The following PARPBP variants were observed in gnomAD, a reference collection of about 807,000 sequenced individuals.
The protein encoded by PARPBP is PCNA-interacting partner.
PARPBP carries 52 observed loss-of-function variants against 50.0 expected under a neutral mutation model. That is an observed-to-expected ratio of 1.04 (90% CI 0.83 to 1.31). The LOEUF is 1.31. Ranked by LOEUF, PARPBP falls within the 50% of genes most tolerant of loss-of-function variation. The pLI is 0.00. For synonymous variants in PARPBP, 244 were observed against 232.1 expected (o/e 1.05, Z -0.47); for missense variants, 697 against 672.0 (o/e 1.04, Z -0.41).
intron 9 of PARPBP, among the ~76,000 whole-genome samples, chr12:102,183,456 A>G (rs558833912): frequency 6.6e-6 from 1 of 152,234 alleles, no homozygotes; most frequent in South Asian, 2.1e-4. Context: ...TACATACCCT[A>G]TACCCATTTA....
intron 1 of PARPBP, among the ~76,000 whole-genome samples, chr12:102,122,465 A>T (rs1881297886): frequency 6.6e-6 from 1 of 152,242 alleles, no homozygotes; most frequent in Non-Finnish European, 1.5e-5. Context: ...GAAGAAAAGG[A>T]TAGCAGAAGG....
chr12:102,194,100 C>G (rs551853901), intron 9 of PARPBP, among the ~76,000 whole-genome samples: 2 of 151,818 alleles, frequency 1.3e-5, no homozygotes, highest in African/African-American at 2.4e-5. Context: ...GCTGGACAGA[C>G]GAATATTCTA....
chr12:102,150,159 G>A (rs1258512886), intron 3 of PARPBP: 1 of 441,714 alleles, frequency 2.3e-6, no homozygotes, highest in Middle Eastern at 3.4e-4. Context: ...GTCATCAGGA[G>A]TAAAATTGAA....
chr12:102,175,895 T>C (rs1439158890), intron 7 of PARPBP, among the ~76,000 whole-genome samples: 1 of 152,188 alleles, frequency 6.6e-6, no homozygotes, highest in Non-Finnish European at 1.5e-5. Context: ...AAGTAAGGCA[T>C]AGGGTAATCT....
chr12:102,162,489 T>C (rs2139494475), intron 4 of PARPBP, among the ~76,000 whole-genome samples: 2 of 152,290 alleles, frequency 1.3e-5, no homozygotes, highest in South Asian at 4.1e-4. Context: ...ATCGAAGTAG[T>C]TGAGAAGGCA....
chr12:102,155,794 T>C (rs1307487030), intron 4 of PARPBP, among the ~76,000 whole-genome samples: 2 of 152,194 alleles, frequency 1.3e-5, no homozygotes, highest in Non-Finnish European at 2.9e-5. Context: ...TGTCTGTGGC[T>C]GTTGCAGACC....
intron 3 of PARPBP, among the ~76,000 whole-genome samples, chr12:102,149,604 A>C (rs138795390): frequency 6.6e-6 from 1 of 152,230 alleles, no homozygotes; most frequent in Admixed American, 6.5e-5. Flanking sequence ...CATGGCCACA[A>C]CAAGCTGCAA....
chr12:102,164,356 A>G, intron 4 of PARPBP, 82 bp from the exon 5 acceptor site: 3 of 1,002,144 alleles, frequency 3.0e-6, no homozygotes, highest in Non-Finnish European at 1.5e-6. Context: ...GAATGATTAC[A>G]TACATTTTTA....
In PARPBP at chr12:102,140,358, T is replaced by C. The variant is rs970085469; in HGVS notation, c.154-7872T>C. 3.3e-5 allele frequency among the ~76,000 whole-genome samples: 5 copies of C among 152,220 alleles called. No individual in the cohort carries two copies. The South Asian group carries it at 1.0e-3, about 32-fold the overall frequency. ...CCTTTATCGTTTTTTATTGTGGCTA[T>C]TTGATTCTTCTCTCTTTTCTTCTTT... On this transcript the variant is annotated intron_variant, in intron 2 of 10. Transcript: ENST00000327680.
chr12:102,186,981 C>T lies in PARPBP; in HGVS notation c.1263+4354C>T, dbSNP rs1292732917. On this transcript the variant is annotated intron_variant, in intron 9 of 10. Coordinates refer to ENST00000327680, the MANE Select transcript of PARPBP (RefSeq NM_017915.5). ...ATTAACAAATTCTTTTATTTAACCC[C>T]ATGGTATTAGAAACTTCAAATTTAA... is the stretch of plus-strand genomic sequence containing the variant. Among the ~76,000 whole-genome samples, 249 of 152,234 alleles carry T rather than the reference C, an allele frequency of 1.6e-3. 1 individual carries two copies. Among genetic ancestry groups the T allele is most frequent in the Non-Finnish European group, 2.8e-3 (188 of 67,990 alleles).
intron 2 of PARPBP, among the ~76,000 whole-genome samples, chr12:102,126,663 T>C (rs1275052803): frequency 6.6e-6 from 1 of 152,160 alleles, no homozygotes; most frequent in Non-Finnish European, 1.5e-5. Flanking sequence ...GGTAGGCGCC[T>C]GTAGTCCCAG....
intron 4 of PARPBP, 73 bp downstream of exon 4, chr12:102,154,049 A>T: frequency 1.1e-6 from 1 of 910,778 alleles, no homozygotes; most frequent in Non-Finnish European, 1.8e-6. Flanking sequence ...TGGTACCTTA[A>T]AGTTACTAAT....
At chr12:102,159,135 C>G (rs1440575674) in intron 4 of PARPBP, among the ~76,000 whole-genome samples, 2 of 152,130 alleles carry the variant, frequency 1.3e-5, no homozygotes, top group Non-Finnish European at 2.9e-5. Flanking sequence ...CAGTGTATTT[C>G]TTTTTTCCCC....
intron 9 of PARPBP, among the ~76,000 whole-genome samples, chr12:102,192,828 G>T (rs2137445523): frequency 6.6e-6 from 1 of 151,862 alleles, no homozygotes; most frequent in South Asian, 2.1e-4. Flanking sequence ...TCACATAGTT[G>T]GAACTTAATA....
intron 4 of PARPBP, among the ~76,000 whole-genome samples, chr12:102,157,937 G>A (rs113701417): frequency 0.045 from 6,808 of 151,702 alleles, 415 homozygotes; most frequent in East Asian, 0.29. Context: ...TGGCTAACAC[G>A]GTGAACCCTC....
chr12:102,164,745 A>G, intron 5 of PARPBP, 137 bp downstream of exon 5: 2 of 731,004 alleles, frequency 2.7e-6, no homozygotes, highest in Non-Finnish European at 4.6e-6. Context: ...AATCCATGGT[A>G]TTTTAATTTT....
intron 9 of PARPBP, among the ~76,000 whole-genome samples, chr12:102,186,576 TTAAG>T (rs745836403): frequency 3.3e-5 from 5 of 152,136 alleles, no homozygotes; most frequent in Admixed American, 1.3e-4. Flanking sequence ...ATTAAGCACT[TTAAG>T]TAAGTTATTA....
rs146821008 is a variant in PARPBP, at chr12:102,178,762, A to G, written c.1176A>G (p.Thr392=). The stretch of plus-strand genomic sequence containing the variant: ...ATCATCATGGAACGTCTATTCTTAC[A>G]CTTTTTAGGTAAGTTATGTGGAAGT... The part of the protein sequence containing the change: ...TIHHHGTSIL[T]LFRSPTQVNN... The change falls in exon 8 of 11, where the codon ACA becomes ACG. Residue 392 remains threonine (T), a synonymous_variant. Coordinates refer to ENST00000327680, the MANE Select transcript of PARPBP (RefSeq NM_017915.5). The G allele has an allele frequency of 6.3e-7, 1 of 1,595,104 alleles. No homozygotes were observed. Among genetic ancestry groups the G allele is most frequent in the Non-Finnish European group, 8.6e-7 (1 of 1,169,032 alleles).
intron 3 of PARPBP, chr12:102,150,513 C>A (rs922679538): frequency 4.3e-5 from 14 of 323,580 alleles, no homozygotes; most frequent in Non-Finnish European, 6.6e-5. Context: ...TAAGTCAGGG[C>A]AATTTTGGGA....
Sources: gnomAD v4.1 joint callset for allele counts (sites outside exome capture counted in the v4.1 genomes callset) on GRCh38, gnomAD v4.1.1 for gene constraint, MANE v1.5 for transcripts, NCBI Gene and HGNC (gene_info 2026-07-23, HGNC 2026-07-21) for gene names.